Variants in NINL observed in about 807,000 individuals in gnomAD.
The protein encoded by NINL is ninein-like protein.
A neutral mutation model predicts 160.3 loss-of-function variants in NINL; 153 were observed. That is an observed-to-expected ratio of 0.95 (90% CI 0.84 to 1.09). NINL has a LOEUF of 1.09. NINL is among the 50% of genes least tolerant of loss of function. NINL has a pLI of 0.00. For synonymous variants in NINL, 800 were observed against 734.8 expected (o/e 1.09, Z -1.43); for missense variants, 1,829 against 1,764.0 (o/e 1.04, Z -0.66).
intron 1 of NINL, among the ~76,000 whole-genome samples, chr20:25,571,427 G>C (rs1213591039): frequency 2.0e-5 from 3 of 152,346 alleles, no homozygotes; most frequent in African/African-American, 7.2e-5. Context: ...CTGGGAGGTT[G>C]TGATAAGAGA....
chr20:25,462,459 T>G lies in NINL; in HGVS notation c.3506A>C (p.Gln1169Pro). Residue 1169 changes from glutamine to proline, a missense_variant, in exon 20 of 24, where the codon CAA (glutamine) becomes CCA (proline). Gln to Pro is a moderately conservative substitution (Grantham distance 76, BLOSUM62 -1). Transcript: ENST00000278886. ...LGQEASTHQA[Q>P]NEEHRVTIQM... is the part of the protein sequence containing the mutation. ...AATGGTCACACGATGCTCCTCGTTT[T>G]GGGCCTGGTGGGTAGAAGCCTCCTG... The G allele has an allele frequency of 6.2e-7, 1 of 1,614,238 alleles. No individual in the cohort carries two copies. The highest frequency in any genetic ancestry group is 1.7e-4 in the Middle Eastern group (1 of 6,058).
intron 23 of NINL, among the ~76,000 whole-genome samples, chr20:25,454,311 G>T (rs1434766187): frequency 2.0e-5 from 3 of 152,226 alleles, no homozygotes; most frequent in Admixed American, 1.3e-4. Context: ...AGAGAAGCAG[G>T]GGAGGGAGCA....
intron 2 of NINL, among the ~76,000 whole-genome samples, 167 bp downstream of exon 2, chr20:25,526,241 T>G (rs2064355446): frequency 6.6e-6 from 1 of 152,236 alleles, no homozygotes; most frequent in Non-Finnish European, 1.5e-5. Flanking sequence ...GAAACCACTT[T>G]CTACAATGTA....
At chr20:25,558,844 G>A (rs531474032) in intron 1 of NINL, among the ~76,000 whole-genome samples, 202 of 152,306 alleles carry the variant, frequency 1.3e-3, no homozygotes, top group Non-Finnish European at 1.7e-3. Flanking sequence ...AGTAAAAAGC[G>A]GAGACGGCCT....
chr20:25,455,534 C>CAGTGT, intron 23 of NINL, 139 bp downstream of exon 23: 1 of 645,380 alleles, frequency 1.5e-6, no homozygotes, highest in Non-Finnish European at 2.8e-6. Context: ...TGTGCACCTG[C>CAGTGT]AGTGTAGGGT....
chr20:25,490,283 G>A (rs1234419421), intron 11 of NINL, among the ~76,000 whole-genome samples: 5 of 152,086 alleles, frequency 3.3e-5, no homozygotes, highest in Non-Finnish European at 7.4e-5. Flanking sequence ...GTGGAGAGCC[G>A]GGCACGGTGG....
At chr20:25,474,864 T>C (rs568161803) in intron 17 of NINL, among the ~76,000 whole-genome samples, 84 of 151,376 alleles carry the variant, frequency 5.5e-4, no homozygotes, top group African/African-American at 1.8e-3. Flanking sequence ...CAAAACTCAC[T>C]GCAACTTCCA....
At chr20:25,498,915 T>C (rs539034124) in intron 8 of NINL, 4 of 985,344 alleles carry the variant, frequency 4.1e-6, no homozygotes, top group Non-Finnish European at 4.8e-6. Flanking sequence ...GCCGGCATTT[T>C]ACTGAAACAA....
intron 20 of NINL, among the ~76,000 whole-genome samples, chr20:25,462,084 C>G (rs184965213): frequency 9.8e-5 from 15 of 152,350 alleles, no homozygotes; most frequent in Admixed American, 7.2e-4. Flanking sequence ...CCATCGGAAT[C>G]GTGAAGTCAA....
At chr20:25,534,056 ACT>A (rs2064514542) in intron 1 of NINL, among the ~76,000 whole-genome samples, 1 of 151,740 alleles carries the variant, frequency 6.6e-6, no homozygotes, top group Non-Finnish European at 1.5e-5. Context: ...AAGTAGGTAA[ACT>A]CTAAGTCTGT....
rs2063357299 is a variant in NINL at position 25,480,197 on chromosome 20, C to T, written c.1881G>A (p.Glu627=). The change falls in exon 15 of 24, where the codon GAG becomes GAA. Residue 627 remains glutamate, a synonymous_variant. Coordinates refer to ENST00000278886, the MANE Select transcript of NINL (RefSeq NM_025176.6). ...GCTGGGTCCTGAGGTCTTGGTAATG[C>T]TCCTTTACCTGCTCCATCATCAGCT... ...ETELMMEQVK[E]HYQDLRTQLE... is the part of the protein sequence containing the mutation. The T allele has an allele frequency of 6.2e-7, 1 of 1,614,034 alleles. No homozygotes were observed. The highest frequency in any genetic ancestry group is 8.5e-7 in the Non-Finnish European group (1 of 1,179,978).
At chr20:25,477,431 C>G (rs2146530153) in intron 16 of NINL, among the ~76,000 whole-genome samples, 1 of 152,386 alleles carries the variant, frequency 6.6e-6, no homozygotes, top group African/African-American at 2.4e-5. Context: ...AGGCTCCCAA[C>G]TGGACAGGGC....
intron 18 of NINL, among the ~76,000 whole-genome samples, chr20:25,469,730 C>T (rs905711440): frequency 3.3e-5 from 5 of 152,172 alleles, no homozygotes; most frequent in African/African-American, 9.6e-5. Flanking sequence ...CTCGCAGTCC[C>T]GACCATGCTG....
At chr20:25,540,417 CGGA>C (rs1568954585) in intron 1 of NINL, among the ~76,000 whole-genome samples, 2 of 152,082 alleles carry the variant, frequency 1.3e-5, no homozygotes, top group African/African-American at 4.8e-5. Flanking sequence ...CTCTGGAGGC[CGGA>C]GGAGAAGGTG....
chr20:25,504,760 A>G lies in NINL; in HGVS notation c.708+128T>C, dbSNP rs1056364990. 4 of 987,550 alleles carry G rather than the reference A, an allele frequency of 4.1e-6. No individual in the cohort carries two copies. In the African/African-American group the frequency reaches 4.9e-5, roughly 12 times the overall value. 61.2% of individuals were successfully genotyped at this position (987,550 alleles called of 1,614,324 possible). A position where few individuals can be genotyped will look rare whatever the true frequency, so the allele number is the denominator to read the frequency against. ...TTTGGCAGAAATGCCAAGAGCCACC[A>G]AAGGATTTTAGATTAGAAAGTGATG... On this transcript the variant is annotated intron_variant, in intron 6 of 23. Transcript: ENST00000278886.
Position 25,479,136 on chromosome 20 carries a change from T to C in NINL, c.1988A>G (p.Gln663Arg). The C allele has an allele frequency of 6.2e-7, 1 of 1,614,000 alleles. No individual in the cohort carries two copies. The highest frequency in any genetic ancestry group is 8.5e-7 in the Non-Finnish European group (1 of 1,180,014). Residue 663 changes from glutamine (Q) to arginine (R), a missense_variant, in exon 16 of 24, where the codon CAG (glutamine) becomes CGG (arginine). Physicochemically the swap from Gln to Arg is conservative, Grantham distance 43. Transcript: ENST00000278886. ...NFEKERKDME[Q>R]ARRREVSVLE... Reference sequence around the variant, plus strand: ...CACGCTGACCTCGCGCCTGCGAGCCTGCTCCATGTCCTTCCTCTCCTTCTC... The same window carrying C: ...CACGCTGACCTCGCGCCTGCGAGCCCGCTCCATGTCCTTCCTCTCCTTCTC...
chr20:25,472,324 G>GATATACATAT (rs2063115706), intron 17 of NINL, among the ~76,000 whole-genome samples: 1 of 83,982 alleles, frequency 1.2e-5, no homozygotes, highest in African/African-American at 4.3e-5. Flanking sequence ...GGGAGGAGAG[G>GATATACATAT]ATATATATAT....
chr20:25,507,622 T>C (rs2063988530), intron 5 of NINL, among the ~76,000 whole-genome samples: 1 of 152,182 alleles, frequency 6.6e-6, no homozygotes, highest in Non-Finnish European at 1.5e-5. Flanking sequence ...GCAGTCTGGA[T>C]CCTTCAGGTA....
intron 2 of NINL, among the ~76,000 whole-genome samples, chr20:25,524,904 A>AATATATATATATATATATGTGTGT (rs2064328993): frequency 6.9e-6 from 1 of 145,456 alleles, no homozygotes; most frequent in African/African-American, 2.5e-5. Context: ...CTCAAATTAA[A>AATATATATATATATATATGTGTGT]ATATATATAT....
Sources: gnomAD v4.1 joint callset for allele counts (sites outside exome capture counted in the v4.1 genomes callset) on GRCh38, gnomAD v4.1.1 for gene constraint, MANE v1.5 for transcripts, NCBI Gene and HGNC (gene_info 2026-07-23, HGNC 2026-07-21) for gene names.